Variants in ACSM2A observed in about 807,000 individuals in gnomAD.
The protein encoded by ACSM2A is acyl-CoA synthetase medium chain family member 2A.
In ACSM2A, 72 loss-of-function variants were observed where a neutral mutation model predicts 76.6. That is an observed-to-expected ratio of 0.94 (90% CI 0.78 to 1.14). The LOEUF (loss-of-function observed/expected upper bound fraction) is 1.14. ACSM2A is among the 50% of genes most tolerant of loss of function. The pLI, the probability that ACSM2A is intolerant of heterozygous loss-of-function variation, is 0.00. For missense variants in ACSM2A, 684 were observed against 708.5 expected (o/e 0.97, Z 0.39); for synonymous variants, 249 against 255.9 (o/e 0.97, Z 0.26).
chr16:20,469,491 C>T (rs1322699158), intron 3 of ACSM2A, 21 bp from the exon 4 acceptor site: 1 of 1,610,506 alleles, frequency 6.2e-7, no homozygotes, highest in African/African-American at 1.3e-5. Flanking sequence ...TTCCAATTCT[C>T]TAAATTGTTG....
chr16:20,453,647 G>A (rs566019316), intron 1 of ACSM2A: 113 of 126,034 alleles, frequency 9.0e-4, no homozygotes, highest in Middle Eastern at 3.6e-3. Context: ...GACTGCCTGC[G>A]GGGTCGGGCA....
Position 20,477,187 on chromosome 16 carries a change from G to A in ACSM2A, c.1099-182G>A, listed in dbSNP as rs1271689289. On this transcript the variant is annotated intron_variant, in intron 8 of 13. Coordinates refer to ENST00000573854, the MANE Select transcript of ACSM2A (RefSeq NM_001308172.2). ...TTGCTTCCTGAACTAACAATTTAGC[G>A]AAGCCCCTAGGATTGTGGTTCCAGT... The A allele has an allele frequency of 4.5e-5, 51 of 1,128,786 alleles. No homozygotes were observed. The South Asian group carries it at 8.1e-4, about 18-fold the overall frequency. 69.9% of individuals were successfully genotyped at this position (1,128,786 alleles called of 1,614,324 possible). A position where few individuals can be genotyped will look rare whatever the true frequency, so the allele number is the denominator to read the frequency against.
At position 20,460,256 on chromosome 16, in the gene ACSM2A, A is replaced by C. The variant is rs1371787027; in HGVS notation, c.142A>C (p.Ser48Arg). 5.6e-6 allele frequency: 9 copies of C among 1,613,564 alleles called. No individual in the cohort carries two copies. The South Asian group carries it at 9.9e-5, about 18-fold the overall frequency. Residue 48 changes from serine to arginine, a missense_variant, in exon 2 of 14, where the codon AGT (serine) becomes CGT (arginine). Ser to Arg is a moderately radical substitution (Grantham distance 110). Coordinates refer to ENST00000573854, the MANE Select transcript of ACSM2A (RefSeq NM_001308172.2). Reference sequence around the variant, plus strand: ...AGTGCCGGCCAAGTTTAACTTTGCTAGTGATGTGTTGGATCACTGGGCTGA... The same window carrying C: ...AGTGCCGGCCAAGTTTAACTTTGCTCGTGATGTGTTGGATCACTGGGCTGA... ...QEVPAKFNFA[S>R]DVLDHWADME...
At chr16:20,472,540 C>A (rs1361992691) in intron 6 of ACSM2A, among the ~76,000 whole-genome samples, 1 of 152,104 alleles carries the variant, frequency 6.6e-6, no homozygotes, top group African/African-American at 2.4e-5. Context: ...GGTGGGGACA[C>A]AACATCCAAT....
At chr16:20,478,455 T>C in intron 9 of ACSM2A, 121 bp from the exon 10 acceptor site, 3 of 1,154,022 alleles carry the variant, frequency 2.6e-6, no homozygotes, top group Non-Finnish European at 3.6e-6. Context: ...CTTCTGGTTG[T>C]TGTTTTCAGT....
Position 20,486,440 on chromosome 16 carries a change from T to C in ACSM2A, c.1630-134T>C, listed in dbSNP as rs188184776. On this transcript the variant is annotated intron_variant, in intron 13 of 13. Transcript: ENST00000573854. ...CTCATCCCAGAGCACTTTCTGAAGC[T>C]TCTTATTGCACAGGGCAGCTGCCCT... The C allele has an allele frequency of 1.8e-4, 164 of 913,084 alleles. No individual in the cohort carries two copies. In the African/African-American group the frequency reaches 2.5e-3, roughly 14 times the overall value. The allele number at this position is 913,084 out of a possible 1,614,324, so 56.6% of individuals were successfully genotyped here. A position where few individuals can be genotyped will look rare whatever the true frequency, so the allele number is the denominator to read the frequency against.
chr16:20,478,507 A>C (rs1221708508), intron 9 of ACSM2A, 69 bp from the exon 10 acceptor site: 1 of 1,553,902 alleles, frequency 6.4e-7, no homozygotes, highest in Non-Finnish European at 8.8e-7. Flanking sequence ...CCAATTCAGC[A>C]ATCTCATGAT....
chr16:20,464,630 C>G (rs1171841220), intron 2 of ACSM2A, among the ~76,000 whole-genome samples: 1 of 152,106 alleles, frequency 6.6e-6, no homozygotes, highest in African/African-American at 2.4e-5. Context: ...CCCCCATGAT[C>G]CAATCACCTC....
chr16:20,456,638 G>A (rs551356308), intron 1 of ACSM2A, among the ~76,000 whole-genome samples: 1 of 149,634 alleles, frequency 6.7e-6, no homozygotes. Context: ...AAACTTCTAG[G>A]ATACAGCAAA....
chr16:20,480,632 G>T lies in ACSM2A; in HGVS notation c.1341G>T (p.Arg447=). Residue 447 remains arginine, a synonymous_variant, in exon 11 of 14, where the codon CGG becomes CGT. Transcript: ENST00000573854. ...GAGACTTTTGGCTCCTTGGAGACCG[G>T]GGAATCAAAGATGAAGATGGGTATT... The part of the protein sequence containing the change: ...IRGDFWLLGD[R]GIKDEDGYFQ... 1 of 1,613,450 alleles carries T rather than the reference G, an allele frequency of 6.2e-7. No homozygotes were observed. The highest frequency in any genetic ancestry group is 8.5e-7 in the Non-Finnish European group (1 of 1,179,736).
chr16:20,460,044 C>A, intron 1 of ACSM2A, 63 bp from the exon 2 acceptor site: 1 of 1,505,970 alleles, frequency 6.6e-7, no homozygotes, highest in South Asian at 1.4e-5. Flanking sequence ...CCTGAAGCTG[C>A]TGATGATCAG....
At chr16:20,459,937 C>A (rs1389158813) in intron 1 of ACSM2A, among the ~76,000 whole-genome samples, 170 bp from the exon 2 acceptor site, 1 of 152,054 alleles carries the variant, frequency 6.6e-6, no homozygotes, top group Admixed American at 6.6e-5. Flanking sequence ...GAAAACAGCA[C>A]CCCACAAGGA....
At chr16:20,457,924 C>G (rs1457664396) in intron 1 of ACSM2A, among the ~76,000 whole-genome samples, 1 of 152,020 alleles carries the variant, frequency 6.6e-6, no homozygotes, top group African/African-American at 2.4e-5. Context: ...ACCTTAAAGA[C>G]TCCTCCAAAG....
intron 1 of ACSM2A, among the ~76,000 whole-genome samples, chr16:20,452,800 A>G (rs1350741907): frequency 6.6e-6 from 1 of 150,922 alleles, no homozygotes; most frequent in Non-Finnish European, 1.5e-5. Flanking sequence ...AATAGTATGG[A>G]GAAGACTGAT....
chr16:20,476,596 G>A, intron 8 of ACSM2A: 1 of 985,542 alleles, frequency 1.0e-6, no homozygotes, highest in Non-Finnish European at 1.2e-6. Context: ...GACATGTTTA[G>A]GATATGCTTA....
intron 5 of ACSM2A, 151 bp from the exon 6 acceptor site, chr16:20,471,385 A>G: frequency 6.8e-7 from 1 of 1,478,564 alleles, no homozygotes; most frequent in East Asian, 2.3e-5. Context: ...CCCCCTTCCT[A>G]CTTATACATA....
intron 6 of ACSM2A, chr16:20,474,022 C>T: frequency 2.2e-6 from 1 of 447,212 alleles, no homozygotes; most frequent in South Asian, 1.6e-5. Context: ...AGCTGGAAGC[C>T]CCCGCTTCAA....
chr16:20,458,528 T>C (rs1297743355), intron 1 of ACSM2A, among the ~76,000 whole-genome samples: 2 of 145,470 alleles, frequency 1.4e-5, no homozygotes, highest in African/African-American at 2.5e-5. Flanking sequence ...TAATGTGTTA[T>C]ATACAATATA....
At chr16:20,477,988 T>G (rs1322433717) in intron 9 of ACSM2A, among the ~76,000 whole-genome samples, 1 of 152,140 alleles carries the variant, frequency 6.6e-6, no homozygotes, top group African/African-American at 2.4e-5. Flanking sequence ...GAACTAGAAT[T>G]TGTGTTTGTG....
Sources: gnomAD v4.1 joint callset for allele counts (sites outside exome capture counted in the v4.1 genomes callset) on GRCh38, gnomAD v4.1.1 for gene constraint, MANE v1.5 for transcripts, NCBI Gene and HGNC (gene_info 2026-07-23, HGNC 2026-07-21) for gene names.